Variants in LRRC9 observed in about 807,000 individuals in gnomAD.
LRRC9 encodes the protein leucine-rich repeat-containing protein 9.
LRRC9 carries 122 observed loss-of-function variants against 63.2 expected under a neutral mutation model. That is an observed-to-expected ratio of 1.93 (90% CI 1.67 to 2.24). The LOEUF is 2.24. Ranked by LOEUF, LRRC9 falls within the 30% of genes most tolerant of loss-of-function variation. The pLI, the probability that LRRC9 is intolerant of heterozygous loss-of-function variation, is 0.00. For synonymous variants in LRRC9, 366 were observed against 213.1 expected (o/e 1.72, Z -6.25); for missense variants, 1,071 against 627.7 (o/e 1.71, Z -7.55).
At position 60,001,977 on chromosome 14, in the gene LRRC9, AC is replaced by A. The variant is rs1889412936; in HGVS notation, c.2542del (p.Arg848GlyfsTer22). 4.4e-6 allele frequency: 3 copies of A among 682,762 alleles called. No individual in the cohort carries two copies. Among genetic ancestry groups the A allele is most frequent in the Non-Finnish European group, 7.9e-6 (3 of 377,922 alleles). The allele number at this position is 682,762 out of a possible 1,614,324, so 42.3% of individuals were successfully genotyped here. On this transcript the variant is annotated frameshift_variant, in exon 20 of 32. Transcript: ENST00000445360. LOFTEE classifies it high-confidence loss of function. The stretch of plus-strand genomic sequence containing the variant: ...TTAAATTTTATTAGTTATCTCTCTT[AC>A]GGCATTCTAGTACTAAAGAGGAGAG...
At chr14:60,057,134 A>T (rs189998833) in intron 30 of LRRC9, among the ~76,000 whole-genome samples, 1 of 152,278 alleles carries the variant, frequency 6.6e-6, no homozygotes, top group Admixed American at 6.5e-5. Context: ...GATAAACAGA[A>T]AAGGCCTCCA....
At chr14:59,928,102 G>C in intron 2 of LRRC9, 111 bp downstream of exon 2, 1 of 590,490 alleles carries the variant, frequency 1.7e-6, no homozygotes, top group Non-Finnish European at 3.0e-6. Flanking sequence ...CCTCTACCTA[G>C]TGACTTTGGG....
intron 7 of LRRC9, among the ~76,000 whole-genome samples, chr14:59,941,052 T>C (rs770901238): frequency 1.4e-4 from 21 of 151,874 alleles, no homozygotes; most frequent in Non-Finnish European, 3.1e-4. Flanking sequence ...TCTTACTATA[T>C]ACTCTCAAAC....
chr14:59,932,092 A>AT lies in LRRC9; in HGVS notation c.543+55dup. 1 of 680,734 alleles carries AT rather than the reference A, an allele frequency of 1.5e-6. No individual in the cohort carries two copies. Among genetic ancestry groups the AT allele is most frequent in the Non-Finnish European group, 2.7e-6 (1 of 376,082 alleles). The allele number at this position is 680,734 out of a possible 1,614,324, so 42.2% of individuals were successfully genotyped here. A position where few individuals can be genotyped will look rare whatever the true frequency, so the allele number is the denominator to read the frequency against. On this transcript the variant is annotated intron_variant, in intron 6 of 31. Coordinates refer to ENST00000445360, the Ensembl canonical transcript of LRRC9. This position sits in a 1 kb window ranked among gnomAD's most constrained non-coding sequence, Gnocchi z 4.7. ...TATTTATCATCCTGAATCATGAACC[A>AT]TTGTGTTGCAGAAACTGTACTAAAA...
intron 23 of LRRC9, among the ~76,000 whole-genome samples, chr14:60,015,189 T>C (rs1307697612): frequency 6.6e-6 from 1 of 152,196 alleles, no homozygotes; most frequent in Non-Finnish European, 1.5e-5. Flanking sequence ...TTTCTGTTTT[T>C]TTCATTTGTT....
chr14:59,957,859 T>A (rs894036980), intron 8 of LRRC9, among the ~76,000 whole-genome samples: 2 of 152,214 alleles, frequency 1.3e-5, no homozygotes, highest in African/African-American at 4.8e-5. Context: ...GCTTTCTGTT[T>A]GTTAGTTTTT....
chr14:59,947,944 T>A (rs1882643515), intron 8 of LRRC9, among the ~76,000 whole-genome samples: 1 of 152,046 alleles, frequency 6.6e-6, no homozygotes, highest in South Asian at 2.1e-4. Flanking sequence ...GGTAGTGTGA[T>A]GCCTCCAGCT....
At chr14:60,005,648 A>G (rs1889748740) in intron 21 of LRRC9, among the ~76,000 whole-genome samples, 1 of 152,098 alleles carries the variant, frequency 6.6e-6, no homozygotes, top group Non-Finnish European at 1.5e-5. Flanking sequence ...ACAGATAATT[A>G]TTTGATACTT....
rs926070498 is a variant in LRRC9, at chr14:60,004,086, G to A, written c.2842+288G>A. 6.6e-6 allele frequency among the ~76,000 whole-genome samples: 1 copy of A among 152,152 alleles called. No homozygotes were observed. The highest frequency in any genetic ancestry group is 2.4e-5 in the African/African-American group (1 of 41,510). ...TAAAAGATAAATAAAAAATTAAAAC[G>A]AGTTCATACCTATTAGTGGAATTCG... On this transcript the variant is annotated intron_variant, in intron 21 of 31. Transcript: ENST00000445360. The surrounding 1 kb of genome is among the most constrained non-coding windows in gnomAD (Gnocchi z 4.8).
intron 2 of LRRC9, 82 bp from the exon 3 acceptor site, chr14:59,928,186 A>G (rs1292831168): frequency 5.3e-6 from 3 of 566,178 alleles, no homozygotes; most frequent in Non-Finnish European, 9.3e-6. Context: ...AGTGCAGTTG[A>G]CAATTTATAA....
At position 59,923,647 on chromosome 14, in the gene LRRC9, T is replaced by C. The variant is rs566923061; in HGVS notation, c.-34+3764T>C. On this transcript the variant is annotated intron_variant, in intron 1 of 31. Transcript: ENST00000445360. This position sits in a 1 kb window ranked among gnomAD's most constrained non-coding sequence, Gnocchi z 4.2. Reference sequence around the variant, plus strand: ...TATAAATCACAGTAATTAAAACAGATACAGTCAGGCGAGGTGGCTCACGCC... The same window carrying C: ...TATAAATCACAGTAATTAAAACAGACACAGTCAGGCGAGGTGGCTCACGCC... 1.6e-3 allele frequency among the ~76,000 whole-genome samples: 242 copies of C among 152,304 alleles called. 2 individuals carry two copies. The highest frequency in any genetic ancestry group is 5.1e-3 in the African/African-American group (212 of 41,582).
At chr14:59,947,273 T>C (rs1347990436) in intron 8 of LRRC9, among the ~76,000 whole-genome samples, 1 of 140,916 alleles carries the variant, frequency 7.1e-6, no homozygotes, top group Non-Finnish European at 1.5e-5. Flanking sequence ...ATGAGCATTT[T>C]TTCATGTGTT....
chr14:59,956,973 T>C (rs945210017), intron 8 of LRRC9, among the ~76,000 whole-genome samples: 3 of 152,204 alleles, frequency 2.0e-5, no homozygotes, highest in African/African-American at 7.2e-5. Context: ...CTCTTCTGGC[T>C]TGTAGGGTTT....
chr14:59,937,046 G>A (rs753681749), intron 6 of LRRC9, among the ~76,000 whole-genome samples: 5 of 152,040 alleles, frequency 3.3e-5, no homozygotes, highest in East Asian at 1.9e-4. Context: ...GGATATCCTC[G>A]AAGTTGGCTG....
rs1889783581 is a variant in LRRC9, at chr14:59,932,481, G to A, written c.543+442G>A. Among the ~76,000 whole-genome samples, 1 of 152,000 alleles carries A rather than the reference G, an allele frequency of 6.6e-6. No homozygotes were observed. Among genetic ancestry groups the A allele is most frequent in the Non-Finnish European group, 1.5e-5 (1 of 67,966 alleles). On this transcript the variant is annotated intron_variant, in intron 6 of 31. Coordinates refer to ENST00000445360, the Ensembl canonical transcript of LRRC9. The surrounding 1 kb of genome is among the most constrained non-coding windows in gnomAD (Gnocchi z 4.7). Reference sequence around the variant, plus strand: ...CTTTACTTTCCTTAACAACTCTCCAGAACTGTACACATATCTTAATGCAAA... The same window carrying A: ...CTTTACTTTCCTTAACAACTCTCCAAAACTGTACACATATCTTAATGCAAA...
At chr14:60,006,730 TAAG>T (rs1481398030) in intron 22 of LRRC9, 113 bp downstream of exon 22, 2 of 530,564 alleles carry the variant, frequency 3.8e-6, no homozygotes, top group East Asian at 3.1e-5. Flanking sequence ...AAAATAAAAA[TAAG>T]AATAACAAGT....
chr14:60,008,207 T>C lies in LRRC9; in HGVS notation c.3179T>C (p.Ile1060Thr), dbSNP rs763835968. 4.3e-6 allele frequency: 3 copies of C among 699,256 alleles called. No individual in the cohort carries two copies. The South Asian group carries it at 4.5e-5, about 10-fold the overall frequency. 43.3% of individuals were successfully genotyped at this position (699,256 alleles called of 1,614,324 possible). A position where few individuals can be genotyped will look rare whatever the true frequency, so the allele number is the denominator to read the frequency against. The change falls in exon 23 of 32, where the codon ATA becomes ACA. Residue 1060 changes from isoleucine to threonine, a missense_variant. Physicochemically the swap from Ile to Thr is moderately conservative, Grantham distance 89. Transcript: ENST00000445360. ...CCAGAACTGAAAGCTTTGGATGGGA[T>C]ACCAATTGTAAGTTGATTTATGACT...
chr14:59,946,140 A>C (rs1450223788), intron 8 of LRRC9, among the ~76,000 whole-genome samples: 1 of 151,378 alleles, frequency 6.6e-6, no homozygotes, highest in Non-Finnish European at 1.5e-5. Context: ...AAACTATCTA[A>C]ATGTTTAATA....
intron 19 of LRRC9, among the ~76,000 whole-genome samples, chr14:60,001,004 A>C (rs1417231109): frequency 6.6e-6 from 1 of 152,172 alleles, no homozygotes; most frequent in Non-Finnish European, 1.5e-5. Flanking sequence ...ATTAGCATTC[A>C]AGAAAATGAA....
Sources: allele counts gnomAD v4.1 joint callset (sites outside exome capture counted in the v4.1 genomes callset), GRCh38; gene constraint gnomAD v4.1.1; non-coding constraint Gnocchi (gnomAD v3.1); transcripts MANE v1.5; gene names NCBI Gene and HGNC (gene_info 2026-07-23, HGNC 2026-07-21).